The following PLCG1 variants were observed in gnomAD, a reference collection of about 807,000 sequenced individuals.
PLCG1 encodes phospholipase C gamma 1.
In PLCG1, 71 loss-of-function variants were observed where a neutral mutation model predicts 177.8. The ratio of observed to expected loss-of-function variants is 0.40; its 90% confidence interval spans 0.33 to 0.49. PLCG1 has a LOEUF of 0.49. PLCG1 is among the 20% of genes least tolerant of loss of function. PLCG1 has a pLI of 0.72. For missense variants in PLCG1, 1,281 were observed against 1,709.0 expected, an observed-to-expected ratio of 0.75 and a Z score of 4.42; for synonymous variants, 658 against 647.9, an observed-to-expected ratio of 1.02 and a Z score of -0.24.
intron 21 of PLCG1, 77 bp downstream of exon 21, chr20:41,168,947 G>A (rs2035797884): frequency 5.2e-6 from 6 of 1,156,788 alleles, no homozygotes; most frequent in Admixed American, 1.7e-5. Flanking sequence ...CATTTGTGAT[G>A]TGCTTGTCTC....
intron 4 of PLCG1, chr20:41,162,243 T>G (rs1227231546): frequency 1.7e-5 from 5 of 297,084 alleles, no homozygotes; most frequent in Middle Eastern, 8.9e-4. Flanking sequence ...TTGTTTTTTT[T>G]TTTTTTTTTT....
At position 41,163,703 on chromosome 20, in the gene PLCG1, G is replaced by C. The variant is rs1478014315; in HGVS notation, c.892-12G>C. On this transcript the variant is annotated splice_polypyrimidine_tract_variant and intron_variant, in intron 9 of 31. Coordinates refer to ENST00000685551, the MANE Select transcript of PLCG1 (RefSeq NM_002660.3). This position sits in a 1 kb window ranked among gnomAD's most constrained non-coding sequence, Gnocchi z 5.2. ...ACTCACTGTCTCTTCCCTTCCACAT[G>C]TTTCTGGACAGTTTGTCACCTTCCT... 9.6e-6 allele frequency: 15 copies of C among 1,561,694 alleles called. No homozygotes were observed. The highest frequency in any genetic ancestry group is 1.3e-5 in the Non-Finnish European group (15 of 1,132,242).
chr20:41,167,802 T>C lies in PLCG1; in HGVS notation c.2302-50T>C, dbSNP rs1430571691. Reference sequence around the variant, plus strand: ...GCTCCAGAAACCAGTAGCTGCTTTCTACCTCTGGGCTCTGGGGCATTAACA... The same window carrying C: ...GCTCCAGAAACCAGTAGCTGCTTTCCACCTCTGGGCTCTGGGGCATTAACA... On this transcript the variant is annotated intron_variant, in intron 19 of 31. Transcript: ENST00000685551. This position sits in a 1 kb window ranked among gnomAD's most constrained non-coding sequence, Gnocchi z 4.4. The C allele has an allele frequency of 1.5e-6, 2 of 1,346,790 alleles. No individual in the cohort carries two copies. The highest frequency in any genetic ancestry group is 1.1e-6 in the Non-Finnish European group (1 of 937,832). The allele number at this position is 1,346,790 out of a possible 1,614,324, so 83.4% of individuals were successfully genotyped here.
chr20:41,139,044 A>AGG (rs541502201), intron 1 of PLCG1, among the ~76,000 whole-genome samples: 28 of 152,094 alleles, frequency 1.8e-4, no homozygotes, highest in Non-Finnish European at 3.7e-4. Flanking sequence ...TGACACCCCA[A>AGG]GGGGGGGTCC....
chr20:41,142,830 G>A (rs2034871854), intron 1 of PLCG1, among the ~76,000 whole-genome samples: 1 of 152,216 alleles, frequency 6.6e-6, no homozygotes, highest in African/African-American at 2.4e-5. Context: ...TTAGCATGGA[G>A]TGTGGCACAG....
Position 41,166,306 on chromosome 20 carries a change from C to G in PLCG1, c.1912C>G (p.His638Asp). The change falls in exon 17 of 32, where the codon CAC (histidine) becomes GAC (aspartate). Residue 638 changes from histidine (H) to aspartate (D), a missense_variant. This residue lies in a region of PLCG1 where 723 missense variants were observed against 1,030.0 expected (regional missense o/e 0.70). Transcript: ENST00000685551. This position sits in a 1 kb window ranked among gnomAD's most constrained non-coding sequence, Gnocchi z 8.6. Reference sequence around the variant, plus strand: ...TGACTCCCTCTATGACCTCATCACGCACTACCAGCAGGTGCCCCTGCGCTG... The same window carrying G: ...TGACTCCCTCTATGACCTCATCACGGACTACCAGCAGGTGCCCCTGCGCTG... Reference protein sequence around the residue: ...VFDSLYDLITHYQQVPLRCNE... With the variant: ...VFDSLYDLITDYQQVPLRCNE... 6.2e-7 allele frequency: 1 copy of G among 1,614,172 alleles called. No homozygotes were observed. Among genetic ancestry groups the G allele is most frequent in the Non-Finnish European group, 8.5e-7 (1 of 1,180,026 alleles).
At position 41,167,714 on chromosome 20, in the gene PLCG1, A is replaced by C; in HGVS notation, c.2302-138A>C. On this transcript the variant is annotated intron_variant, in intron 19 of 31. Transcript: ENST00000685551. This position sits in a 1 kb window ranked among gnomAD's most constrained non-coding sequence, Gnocchi z 4.4. ...GCCTGAGGCCTCTGAAGCCGTCTCT[A>C]CTGAGGTCGAAGGATCCCTGTGGAT... The C allele has an allele frequency of 1.5e-6, 1 of 666,088 alleles. No individual in the cohort carries two copies. Among genetic ancestry groups the C allele is most frequent in the Non-Finnish European group, 2.7e-6 (1 of 366,214 alleles). The allele number at this position is 666,088 out of a possible 1,614,324, so 41.3% of individuals were successfully genotyped here. A position where few individuals can be genotyped will look rare whatever the true frequency, so the allele number is the denominator to read the frequency against.
At chr20:41,170,050 T>C in intron 23 of PLCG1, 62 bp from the exon 24 acceptor site, 1 of 1,439,746 alleles carries the variant, frequency 6.9e-7, no homozygotes, top group East Asian at 2.3e-5. Context: ...GCCTGCGGTG[T>C]GGAGTGGGGT....
chr20:41,163,216 C>T lies in PLCG1; in HGVS notation c.730C>T (p.Pro244Ser). 6.5e-7 allele frequency: 1 copy of T among 1,546,048 alleles called. No individual in the cohort carries two copies. Among genetic ancestry groups the T allele is most frequent in the Non-Finnish European group, 8.7e-7 (1 of 1,148,346 alleles). The change falls in exon 8 of 32, where the codon CCG (proline) becomes TCG (serine). Residue 244 changes from proline (P) to serine (S), a missense_variant. Physicochemically the swap from Pro to Ser is moderately conservative, Grantham distance 74. Coordinates refer to ENST00000685551, the MANE Select transcript of PLCG1 (RefSeq NM_002660.3). The surrounding 1 kb of genome is among the most constrained non-coding windows in gnomAD (Gnocchi z 5.2). ...EASTLRAGER[P>S]ELCRVSLPEF... is the part of the protein sequence containing the mutation. ...CTCTCCCTGCAGGGCTGGGGAGCGG[C>T]CGGAGCTTTGCCGAGTGTCCCTTCC...
At chr20:41,170,386 G>A (rs1364547375) in intron 24 of PLCG1, 117 bp downstream of exon 24, 1 of 1,000,648 alleles carries the variant, frequency 1.0e-6, no homozygotes, top group Non-Finnish European at 1.5e-6. Context: ...GCCTATGCTA[G>A]ATAGGCCACA....
chr20:41,167,933 C>A lies in PLCG1; in HGVS notation c.2379+4C>A. 1 of 1,607,086 alleles carries A rather than the reference C, an allele frequency of 6.2e-7. No homozygotes were observed. Among genetic ancestry groups the A allele is most frequent in the Non-Finnish European group, 8.5e-7 (1 of 1,173,926 alleles). On this transcript the variant is annotated splice_donor_region_variant and intron_variant, in intron 20 of 31. Transcript: ENST00000685551. The surrounding 1 kb of genome is among the most constrained non-coding windows in gnomAD (Gnocchi z 4.4). ...AAACCCTATGCCAACTTTCAAGGTA[C>A]AGCTCAGGCCTCTGGGCATAGGAAG...
Position 41,159,687 on chromosome 20 carries a change from G to C in PLCG1, c.299G>C (p.Arg100Pro), listed in dbSNP as rs1206297650. The change falls in exon 2 of 32, where the codon CGG (arginine) becomes CCG (proline). Residue 100 changes from arginine to proline, a missense_variant. This residue lies in a region of PLCG1 where 374 missense variants were observed against 443.8 expected (regional missense o/e 0.84). Coordinates refer to ENST00000685551, the MANE Select transcript of PLCG1 (RefSeq NM_002660.3). This position sits in a 1 kb window ranked among gnomAD's most constrained non-coding sequence, Gnocchi z 6.0. ...FDRYQEDPAF[R>P]PDQSHCFVIL... ...CGCTATCAAGAGGACCCAGCTTTCCGGCCGGACCAGTCACATTGCTTTGTC... is the reference window on the plus strand; with the variant it reads ...CGCTATCAAGAGGACCCAGCTTTCCCGCCGGACCAGTCACATTGCTTTGTC... 6.2e-7 allele frequency: 1 copy of C among 1,614,198 alleles called. No homozygotes were observed. The highest frequency in any genetic ancestry group is 1.7e-5 in the Admixed American group (1 of 60,030).
At chr20:41,162,841 C>T (rs2035557512) in intron 6 of PLCG1, 116 bp downstream of exon 6, 2 of 1,326,942 alleles carry the variant, frequency 1.5e-6, no homozygotes, top group Non-Finnish European at 2.2e-6. Context: ...GCCATTTCTC[C>T]AGTTCTTCTC....
In PLCG1 at chr20:41,166,732, T is replaced by C. The variant is rs1568750536; in HGVS notation, c.2174T>C (p.Met725Thr). The C allele has an allele frequency of 1.9e-6, 3 of 1,614,140 alleles. No homozygotes were observed. The highest frequency in any genetic ancestry group is 3.3e-4 in the Middle Eastern group (2 of 6,062). The change falls in exon 19 of 32, where the codon ATG (methionine) becomes ACG (threonine). Residue 725 changes from methionine (M) to threonine (T), a missense_variant. Physicochemically the swap from Met to Thr is moderately conservative, Grantham distance 81 (BLOSUM62 -1). Coordinates refer to ENST00000685551, the MANE Select transcript of PLCG1 (RefSeq NM_002660.3). The surrounding 1 kb of genome is among the most constrained non-coding windows in gnomAD (Gnocchi z 8.6). ...CRVQQEGQTV[M>T]LGNSEFDSLV... ...GTCCAGCAAGAGGGCCAGACAGTGATGCTAGGGAACTCGGAGTTCGACAGC... is the reference window on the plus strand; with the variant it reads ...GTCCAGCAAGAGGGCCAGACAGTGACGCTAGGGAACTCGGAGTTCGACAGC...
Position 41,147,236 on chromosome 20 carries a change from A to C in PLCG1, c.217+9378A>C, listed in dbSNP as rs1326497314. Among the ~76,000 whole-genome samples, 1 of 152,108 alleles carries C rather than the reference A, an allele frequency of 6.6e-6. No homozygotes were observed. Among genetic ancestry groups the C allele is most frequent in the South Asian group, 2.1e-4 (1 of 4,822 alleles). ...TTTCTTGGGCGTTCTTAGCATATCT[A>C]CCAAGGAGGTTGGAAAAGGTAACAT... On this transcript the variant is annotated intron_variant, in intron 1 of 31. Transcript: ENST00000685551. This position sits in a 1 kb window ranked among gnomAD's most constrained non-coding sequence, Gnocchi z 4.0.
chr20:41,141,459 T>G (rs572221010), intron 1 of PLCG1, among the ~76,000 whole-genome samples: 17 of 152,350 alleles, frequency 1.1e-4, no homozygotes, highest in African/African-American at 4.1e-4. Flanking sequence ...TGGAACCAGC[T>G]GGCTGGGGCT....
rs35701316 is a variant in PLCG1, at chr20:41,176,809, G to GTGTT, written c.*2305_*2308dup. The GTGTT allele has an allele frequency of 0.14, 22,061 of 152,218 alleles. 1,789 individuals carry two copies. Among genetic ancestry groups the GTGTT allele is most frequent in the Non-Finnish European group, 0.17 (11,815 of 67,992 alleles). 9.4% of individuals were successfully genotyped at this position (152,218 alleles called of 1,614,324 possible). The stretch of plus-strand genomic sequence containing the variant: ...AATGTTGATTGACCCAGAAGGCAGA[G>GTGTT]TGTTTGTTGGTGGGGAAGACCCTTA... On this transcript the variant is annotated 3_prime_UTR_variant, in exon 32 of 32. Coordinates refer to ENST00000685551, the MANE Select transcript of PLCG1 (RefSeq NM_002660.3).
At position 41,166,176 on chromosome 20, in the gene PLCG1, A is replaced by C. The variant is rs763567097; in HGVS notation, c.1800-18A>C. On this transcript the variant is annotated intron_variant, in intron 16 of 31. Coordinates refer to ENST00000685551, the MANE Select transcript of PLCG1 (RefSeq NM_002660.3). The surrounding 1 kb of genome is among the most constrained non-coding windows in gnomAD (Gnocchi z 8.6). ...TGGCCTGTTTTCCCCAGCCTCCCTC[A>C]CTCTGTGTCTTCCACAGGCGGAACG... 6.2e-7 allele frequency: 1 copy of C among 1,606,466 alleles called. No individual in the cohort carries two copies. The highest frequency in any genetic ancestry group is 2.2e-5 in the East Asian group (1 of 44,782).
At chr20:41,140,452 C>T (rs1329306337) in intron 1 of PLCG1, among the ~76,000 whole-genome samples, 1 of 152,210 alleles carries the variant, frequency 6.6e-6, no homozygotes, top group Non-Finnish European at 1.5e-5. Context: ...CCTGCTGACC[C>T]TACCAGGGTA....
Sources: gnomAD v4.1 joint callset for allele counts (sites outside exome capture counted in the v4.1 genomes callset) on GRCh38, gnomAD v4.1.1 for gene constraint, gnomAD v4.1.1 regional missense constraint, Gnocchi (gnomAD v3.1) non-coding constraint, MANE v1.5 for transcripts, NCBI Gene and HGNC (gene_info 2026-07-23, HGNC 2026-07-21) for gene names.